The following TP73 variants were observed in gnomAD, a reference collection of about 807,000 sequenced individuals.
TP73 encodes the protein p53-like transcription factor.
A neutral mutation model predicts 62.5 loss-of-function variants in TP73; 25 were observed. The observed-to-expected ratio is 0.40, with a 90% CI of 0.29 to 0.56. The LOEUF is 0.56. Among genes scored for constraint, TP73 ranks in the 20% least tolerant of loss-of-function variants. TP73 has a pLI of 0.46. For synonymous variants in TP73, 423 were observed against 377.5 expected (o/e 1.12, Z -1.40); for missense variants, 754 against 913.3 (o/e 0.83, Z 2.25).
At chr1:3,673,177 C>G (rs902513974) in intron 1 of TP73, among the ~76,000 whole-genome samples, 4 of 152,254 alleles carry the variant, frequency 2.6e-5, no homozygotes, top group African/African-American at 4.8e-5. Context: ...GGCTGGTGCT[C>G]TGCAAAAGGG....
intron 4 of TP73, among the ~76,000 whole-genome samples, chr1:3,713,743 C>A (rs1271580393): frequency 6.6e-6 from 1 of 152,088 alleles, no homozygotes; most frequent in East Asian, 1.9e-4. Context: ...CCAGGGTGTC[C>A]CGGCTGGAAA....
intron 4 of TP73, 72 bp downstream of exon 4, chr1:3,707,863 G>A (rs1639805124): frequency 1.7e-5 from 26 of 1,543,136 alleles, no homozygotes; most frequent in South Asian, 4.7e-5. Context: ...TGCGTTCCCC[G>A]CACCTCAAGA....
At chr1:3,691,236 G>C (rs944603507) in intron 3 of TP73, among the ~76,000 whole-genome samples, 6 of 152,264 alleles carry the variant, frequency 3.9e-5, no homozygotes, top group African/African-American at 1.4e-4. Flanking sequence ...TTTCTGCCTC[G>C]TGCTCGGGGG....
chr1:3,706,376 G>GGA (rs749434192), intron 3 of TP73, among the ~76,000 whole-genome samples: 4 of 145,990 alleles, frequency 2.7e-5, no homozygotes, highest in African/African-American at 8.0e-5. Flanking sequence ...GCAGGCCCGG[G>GGA]GAGGGGGGTA....
intron 3 of TP73, 49 bp from the exon 4 acceptor site, chr1:3,707,500 C>A (rs778900264): frequency 6.3e-7 from 1 of 1,577,340 alleles, no homozygotes; most frequent in Non-Finnish European, 8.6e-7. Context: ...CGGGACAGGA[C>A]GACTGACTGT....
intron 4 of TP73, among the ~76,000 whole-genome samples, chr1:3,713,955 GA>G (rs1055558696): frequency 4.5e-4 from 68 of 152,172 alleles, no homozygotes; most frequent in African/African-American, 1.6e-3. Context: ...AGCCCATGGG[GA>G]AACCGCACAG....
chr1:3,694,238 GC>G (rs752683135), intron 3 of TP73, among the ~76,000 whole-genome samples: 1 of 11,688 alleles, frequency 8.6e-5, no homozygotes, highest in Non-Finnish European at 1.8e-4. Context: ...TGCAGCCTCA[GC>G]CCCCTCCTCC....
chr1:3,726,775 T>G (rs1015203162), intron 6 of TP73, among the ~76,000 whole-genome samples: 3 of 140,042 alleles, frequency 2.1e-5, no homozygotes, highest in Non-Finnish European at 4.6e-5. Flanking sequence ...ATTGAATGGA[T>G]GGGTAGGTGG....
intron 1 of TP73, among the ~76,000 whole-genome samples, chr1:3,657,411 C>T (rs907732575): frequency 2.0e-5 from 3 of 152,150 alleles, no homozygotes; most frequent in African/African-American, 7.2e-5. Context: ...GGACACCTGT[C>T]CTTGGATTTC....
chr1:3,724,393 C>A (rs927016243), intron 6 of TP73, among the ~76,000 whole-genome samples: 8 of 151,800 alleles, frequency 5.3e-5, no homozygotes, highest in African/African-American at 1.7e-4. Context: ...CCCCAGGACA[C>A]CCCAGACTCC....
intron 1 of TP73, among the ~76,000 whole-genome samples, chr1:3,664,805 C>T (rs1243053092): frequency 6.6e-6 from 1 of 152,188 alleles, no homozygotes; most frequent in Non-Finnish European, 1.5e-5. Context: ...CCCAGCCACC[C>T]TTACCAGATG....
At position 3,733,217 on chromosome 1, in the gene TP73, C is replaced by G; in HGVS notation, c.*138C>G. ...GGGAAAGGCAAGGTCCGGCCCATCC[C>G]CAGGCACCTCACAGGCCCCAGGAAA... On this transcript the variant is annotated 3_prime_UTR_variant, in exon 14 of 14. Transcript: ENST00000378295. The G allele has an allele frequency of 9.4e-7, 1 of 1,062,984 alleles. No homozygotes were observed. The highest frequency in any genetic ancestry group is 1.7e-5 in the South Asian group (1 of 59,962). 65.8% of individuals were successfully genotyped at this position (1,062,984 alleles called of 1,614,324 possible).
At position 3,674,416 on chromosome 1, in the gene TP73, C is replaced by T. The variant is rs190663934; in HGVS notation, c.-33-7917C>T. Among the ~76,000 whole-genome samples, 320 of 152,356 alleles carry T rather than the reference C, an allele frequency of 2.1e-3. 3 individuals carry two copies. Among genetic ancestry groups the T allele is most frequent in the African/African-American group, 7.2e-3 (298 of 41,590 alleles). ...GTCTTTCATCCCCATGCTGGGCTTC[C>T]CCAAACTAGGGGAGTGGGGCAGCAG... On this transcript the variant is annotated intron_variant, in intron 1 of 13. Coordinates refer to ENST00000378295, the MANE Select transcript of TP73 (RefSeq NM_005427.4).
At chr1:3,700,313 G>A (rs543905201) in intron 3 of TP73, among the ~76,000 whole-genome samples, 172 of 152,168 alleles carry the variant, frequency 1.1e-3, no homozygotes, top group South Asian at 1.7e-3. Flanking sequence ...TAAAAAATAC[G>A]TTCCGTTCTG....
rs1644872176 is a variant in TP73, at chr1:3,656,680, T to C, written c.-34+4039T>C. ...GGGACTGGGGCTGCCAAACCATCCT[T>C]TGCCTGGGTCTGCCGTTGGCTCAGA... On this transcript the variant is annotated intron_variant, in intron 1 of 13. Transcript: ENST00000378295. 2.0e-5 allele frequency among the ~76,000 whole-genome samples: 3 copies of C among 152,280 alleles called. No individual in the cohort carries two copies. The South Asian group carries it at 6.2e-4, about 32-fold the overall frequency.
At chr1:3,660,101 A>T (rs1397219271) in intron 1 of TP73, among the ~76,000 whole-genome samples, 1 of 152,258 alleles carries the variant, frequency 6.6e-6, no homozygotes, top group Non-Finnish European at 1.5e-5. Context: ...GCTTTGCTGG[A>T]ACTTTTAATA....
intron 3 of TP73, among the ~76,000 whole-genome samples, chr1:3,697,387 T>A (rs758951776): frequency 6.6e-6 from 1 of 152,160 alleles, no homozygotes; most frequent in Non-Finnish European, 1.5e-5. Flanking sequence ...GGCTGCAGGC[T>A]CTCTGCCCTG....
chr1:3,684,974 C>T (rs1645617354), intron 3 of TP73, among the ~76,000 whole-genome samples: 1 of 152,112 alleles, frequency 6.6e-6, no homozygotes, highest in South Asian at 2.1e-4. Context: ...GGGTCCTGAC[C>T]CCACCCCCTC....
At chr1:3,659,383 T>C (rs1644941506) in intron 1 of TP73, 2 of 152,154 alleles carry the variant, frequency 1.3e-5, no homozygotes, top group Admixed American at 1.3e-4. Flanking sequence ...GTATTTCAAG[T>C]CGTCCAGCCT....
Sources: allele counts gnomAD v4.1 joint callset (sites outside exome capture counted in the v4.1 genomes callset), GRCh38; gene constraint gnomAD v4.1.1; transcripts MANE v1.5; gene names NCBI Gene and HGNC (gene_info 2026-07-23, HGNC 2026-07-21).